The following SLC17A1 variants were observed in gnomAD, a reference collection of about 807,000 sequenced individuals.
SLC17A1 encodes the protein sodium-dependent phosphate transport protein 1.
In SLC17A1, 51 loss-of-function variants were observed where a neutral mutation model predicts 53.5. The observed-to-expected ratio is 0.95, with a 90% CI of 0.76 to 1.20. The LOEUF (loss-of-function observed/expected upper bound fraction) is 1.20. Ranked by LOEUF, SLC17A1 falls within the 50% of genes most tolerant of loss-of-function variation. The pLI is 0.00. For missense variants in SLC17A1, 538 were observed against 568.2 expected (o/e 0.95, Z 0.54); for synonymous variants, 179 against 198.8 (o/e 0.90, Z 0.84).
At chr6:25,726,878 C>A in the SLC17A1 span, 106 of 1,581,724 alleles carry the variant, frequency 6.7e-5, no homozygotes, top group Non-Finnish European at 9.1e-5. Context: ...TGGAAAAGAA[C>A]CGTGTAACGC....
the SLC17A1 span, among the ~76,000 whole-genome samples, chr6:25,739,115 TAAAC>T: frequency 0.27 from 41,026 of 151,746 alleles, 6,699 homozygotes; most frequent in East Asian, 0.7. Flanking sequence ...CCAAGTAGCT[TAAAC>T]AAACAAACAA....
intron 12 of SLC17A1, among the ~76,000 whole-genome samples, chr6:25,785,054 G>T (rs564341295): frequency 3.9e-5 from 6 of 152,200 alleles, no homozygotes; most frequent in African/African-American, 1.4e-4. Context: ...GTTTAGCAAA[G>T]CTGCAGGACA....
At chr6:25,768,891 C>A in the SLC17A1 span, 1 of 1,167,436 alleles carries the variant, frequency 8.6e-7, no homozygotes. Context: ...ATTTCTGCAT[C>A]TCAGACAGAT....
At chr6:25,780,643 G>T (rs1236851630), downstream of SLC17A1, 1 of 152,220 alleles carries the variant, frequency 6.6e-6, no homozygotes, top group Non-Finnish European at 1.5e-5. Context: ...AAGTGCGTTG[G>T]TCTTTATTTT....
At chr6:25,800,776 C>T (rs1315566789) in intron 11 of SLC17A1, 114 bp downstream of exon 11, 2 of 654,776 alleles carry the variant, frequency 3.1e-6, no homozygotes, top group Admixed American at 5.7e-5. Flanking sequence ...TCATATGATG[C>T]AAAAACTCAT....
chr6:25,788,220 T>C (rs1763424935), intron 12 of SLC17A1, among the ~76,000 whole-genome samples: 1 of 152,204 alleles, frequency 6.6e-6, no homozygotes, highest in Non-Finnish European at 1.5e-5. Context: ...ATCAAACTTT[T>C]AAACTTTAGT....
chr6:25,732,911 A>C, the SLC17A1 span: 1 of 248,758 alleles, frequency 4.0e-6, no homozygotes, highest in East Asian at 1.0e-4. Context: ...CAAAAACCCC[A>C]AAGCTGAAAT....
At position 25,826,532 on chromosome 6, in the gene SLC17A1, C is replaced by A. The variant is rs201229390; in HGVS notation, c.136G>T (p.Val46Phe). 6.2e-7 allele frequency: 1 copy of A among 1,611,422 alleles called. No homozygotes were observed. ...QRACLNLTMV[V>F]MVNSTDPHGL... ...TGTGGATCTGTGCTATTCACCATGA[C>A]TACCATTGTGAGGTTCAGGCACGCA... Residue 46 changes from valine (V) to phenylalanine (F), a missense_variant, in exon 3 of 13, where the codon GTC becomes TTC. Transcript: ENST00000244527.
chr6:25,727,215 C>T, the SLC17A1 span: 1 of 1,613,992 alleles, frequency 6.2e-7, no homozygotes, highest in African/African-American at 1.3e-5. Flanking sequence ...AGTGCGCTTG[C>T]TACTGCCGGG....
chr6:25,818,508 C>A (rs140749938), intron 6 of SLC17A1, among the ~76,000 whole-genome samples: 7 of 152,280 alleles, frequency 4.6e-5, no homozygotes, highest in Non-Finnish European at 5.9e-5. Context: ...GTTACCTAAG[C>A]CTTTTGAAGT....
the SLC17A1 span, among the ~76,000 whole-genome samples, chr6:25,758,664 A>G: frequency 6.6e-6 from 1 of 152,084 alleles, no homozygotes; most frequent in Non-Finnish European, 1.5e-5. Flanking sequence ...AATTGAGCTT[A>G]TTTGGATCTT....
Position 25,812,948 on chromosome 6 carries a change from C to A in SLC17A1, c.780G>T (p.Lys260Asn). The A allele has an allele frequency of 6.2e-7, 1 of 1,614,110 alleles. No homozygotes were observed. The highest frequency in any genetic ancestry group is 1.3e-5 in the African/African-American group (1 of 75,052). ...TGGAAATAGCCCAGACTGGAAGCGACTTAAGTATAGCCTTGATAGGCAGAG... is the reference window on the plus strand; with the variant it reads ...TGGAAATAGCCCAGACTGGAAGCGAATTAAGTATAGCCTTGATAGGCAGAG... ...RQSLPIKAILKSLPVWAISTG... is the reference protein window; with the variant it reads ...RQSLPIKAILNSLPVWAISTG... Residue 260 changes from lysine to asparagine, a missense_variant, in exon 8 of 13, where the codon AAG becomes AAT. Transcript: ENST00000244527.
At chr6:25,814,896 G>T (rs1441942320) in intron 6 of SLC17A1, among the ~76,000 whole-genome samples, 1 of 151,918 alleles carries the variant, frequency 6.6e-6, no homozygotes, top group Non-Finnish European at 1.5e-5. Flanking sequence ...TGCGGCAGGA[G>T]AATCGCTTAA....
At chr6:25,824,185 T>A (rs535455313) in intron 3 of SLC17A1, among the ~76,000 whole-genome samples, 70 of 152,020 alleles carry the variant, frequency 4.6e-4, no homozygotes, top group Admixed American at 1.1e-3. Flanking sequence ...AAAGATTTCT[T>A]ATATGCAACA....
the SLC17A1 span, among the ~76,000 whole-genome samples, chr6:25,724,807 A>G: frequency 1.3e-5 from 2 of 152,230 alleles, no homozygotes; most frequent in African/African-American, 4.8e-5. Context: ...TATTCAACAT[A>G]TAGTTGCCAT....
At position 25,798,815 on chromosome 6, in the gene SLC17A1, C is replaced by T. The variant is rs74521692; in HGVS notation, c.1374G>A (p.Trp458Ter). The change falls in exon 12 of 13, where the codon TGG becomes TGA. Residue 458 changes from tryptophan (W) to a stop codon, truncating the protein, a stop_gained. Coordinates refer to ENST00000244527, the MANE Select transcript of SLC17A1 (RefSeq NM_005074.5). LOFTEE classifies it high-confidence loss of function. Reference sequence around the variant, plus strand: ...GACGTGTGTGTTGTTTTTCTTTAGCCCAGTCCTGAATTTCTGCTGTAGCAA... The same window carrying T: ...GACGTGTGTGTTGTTTTTCTTTAGCTCAGTCCTGAATTTCTGCTGTAGCAA... ...LIVATAEIQD[W>*]AKEKQHTRL 6.1e-4 allele frequency: 989 copies of T among 1,609,450 alleles called. 8 individuals are homozygous for T. The African/African-American group carries it at 0.011, about 19-fold the overall frequency.
At chr6:25,733,810 G>A in the SLC17A1 span, among the ~76,000 whole-genome samples, 20 of 111,062 alleles carry the variant, frequency 1.8e-4, no homozygotes, top group African/African-American at 5.0e-4. Flanking sequence ...GTGTGTATGT[G>A]TGTGTGTGTG....
At chr6:25,727,027 C>G in the SLC17A1 span, 56 of 1,614,088 alleles carry the variant, frequency 3.5e-5, no homozygotes, top group Non-Finnish European at 3.3e-5. Context: ...GAGAGTTATT[C>G]TATTTACATC....
intron 12 of SLC17A1, among the ~76,000 whole-genome samples, chr6:25,792,375 C>A (rs1763520857): frequency 6.6e-6 from 1 of 152,192 alleles, no homozygotes; most frequent in Non-Finnish European, 1.5e-5. Flanking sequence ...CGCCTGTAAT[C>A]CCAGCACTTT....
Sources: allele counts gnomAD v4.1 joint callset (sites outside exome capture counted in the v4.1 genomes callset), GRCh38; gene constraint gnomAD v4.1.1; transcripts MANE v1.5; gene names NCBI Gene and HGNC (gene_info 2026-07-23, HGNC 2026-07-21).